The following RGL1 variants were observed in gnomAD, a reference collection of about 807,000 sequenced individuals.
RGL1 encodes the protein ral guanine nucleotide dissociation stimulator-like 1.
RGL1 carries 24 observed loss-of-function variants against 95.2 expected under a neutral mutation model. That is an observed-to-expected ratio of 0.25 (90% CI 0.18 to 0.35). The LOEUF (loss-of-function observed/expected upper bound fraction) is 0.35, where lower values mean the gene tolerates loss of function less well. Among genes scored for constraint, RGL1 ranks in the 10% least tolerant of loss-of-function variants. The probability of loss-of-function intolerance (pLI) is 1.00; values close to 1 mark genes in which losing one functional copy is unlikely to be tolerated. For synonymous variants in RGL1, 329 were observed against 344.9 expected (o/e 0.95, Z 0.51); for missense variants, 715 against 936.3 (o/e 0.76, Z 3.08).
At position 183,874,117 on chromosome 1, in the gene RGL1, G is replaced by A. The variant is rs183118795; in HGVS notation, c.426-6499G>A. Among the ~76,000 whole-genome samples the A allele has an allele frequency of 1.6e-4, 25 of 152,280 alleles. No individual in the cohort carries two copies. The East Asian group carries it at 2.1e-3, about 13-fold the overall frequency. ...ATAGCTAGAATTTATTGACTACTTA[G>A]TAGGAATGGTCCCTGTGTTAAGTAC... On this transcript the variant is annotated intron_variant, in intron 4 of 17. Transcript: ENST00000360851.
chr1:183,878,101 G>T (rs1216947162), intron 4 of RGL1, among the ~76,000 whole-genome samples: 1 of 152,110 alleles, frequency 6.6e-6, no homozygotes, highest in Non-Finnish European at 1.5e-5. Context: ...AGGTAATGAT[G>T]AAGTATCTGT....
At chr1:183,778,252 A>G (rs1659702492) in intron 2 of RGL1, among the ~76,000 whole-genome samples, 1 of 152,250 alleles carries the variant, frequency 6.6e-6, no homozygotes, top group African/African-American at 2.4e-5. Flanking sequence ...AGCATGATGC[A>G]GCATAGCTTA....
chr1:183,899,967 A>G (rs1443469275), intron 10 of RGL1, among the ~76,000 whole-genome samples, 183 bp from the exon 11 acceptor site: 1 of 152,242 alleles, frequency 6.6e-6, no homozygotes, highest in Admixed American at 6.5e-5. Context: ...CACAAGTTAG[A>G]TATTAGATCA....
chr1:183,794,339 T>G (rs1160525869), intron 2 of RGL1, among the ~76,000 whole-genome samples: 1 of 152,192 alleles, frequency 6.6e-6, no homozygotes, highest in Non-Finnish European at 1.5e-5. Context: ...AAGGTACAGT[T>G]GGAAGGATTA....
At chr1:183,808,761 CTTT>C (rs879323418) in intron 2 of RGL1, among the ~76,000 whole-genome samples, 4 of 143,094 alleles carry the variant, frequency 2.8e-5, no homozygotes, top group Non-Finnish European at 3.1e-5. Flanking sequence ...CTCTCTCTCT[CTTT>C]TTTTTTTTTT....
At chr1:183,917,449 T>C (rs1423302452) in intron 16 of RGL1, among the ~76,000 whole-genome samples, 1 of 152,218 alleles carries the variant, frequency 6.6e-6, no homozygotes, top group African/African-American at 2.4e-5. Flanking sequence ...GAAATCACTT[T>C]ATCCTTTGCA....
At chr1:183,648,468 A>G in intron 1 of RGL1, 2 of 1,614,252 alleles carry the variant, frequency 1.2e-6, no homozygotes, top group Non-Finnish European at 1.7e-6. Flanking sequence ...GGCTGAGTCA[A>G]GATAACCATT....
chr1:183,883,721 A>G, intron 5 of RGL1, 65 bp from the exon 6 acceptor site: 1 of 1,579,212 alleles, frequency 6.3e-7, no homozygotes, highest in Admixed American at 1.7e-5. Context: ...GTAAAGTCTG[A>G]TGACTCTATA....
At chr1:183,659,405 A>G (rs1448663278) in intron 1 of RGL1, among the ~76,000 whole-genome samples, 1 of 152,264 alleles carries the variant, frequency 6.6e-6, no homozygotes, top group Non-Finnish European at 1.5e-5. Flanking sequence ...AACTATGGGA[A>G]GAATGCAGAA....
At chr1:183,671,579 T>A (rs936257010) in intron 1 of RGL1, among the ~76,000 whole-genome samples, 1 of 152,094 alleles carries the variant, frequency 6.6e-6, no homozygotes, top group African/African-American at 2.4e-5. Flanking sequence ...AGAAAGGGAA[T>A]GAAGAGTGGA....
At position 183,928,143 on chromosome 1, in the gene RGL1, T is replaced by G. The variant is rs988753123; in HGVS notation, c.*1851T>G. 32 of 151,206 alleles carry G rather than the reference T, an allele frequency of 2.1e-4. No homozygotes were observed. The highest frequency in any genetic ancestry group is 5.9e-5 in the Non-Finnish European group (4 of 67,840). The allele number at this position is 151,206 out of a possible 1,614,324, so 9.4% of individuals were successfully genotyped here. On this transcript the variant is annotated 3_prime_UTR_variant, in exon 18 of 18. Coordinates refer to ENST00000360851, the MANE Select transcript of RGL1 (RefSeq NM_001297671.3). ...GGTTGAAGTATATGTAGCCTCAGCC[T>G]GATATTCTTGGTGCGAAGGTAAAAA...
chr1:183,722,506 A>G (rs186483509), intron 1 of RGL1, among the ~76,000 whole-genome samples: 1 of 152,202 alleles, frequency 6.6e-6, no homozygotes, highest in East Asian at 1.9e-4. Flanking sequence ...CAAGATACCT[A>G]CTAGGGAAAC....
At chr1:183,678,345 GT>G (rs934050835) in intron 1 of RGL1, among the ~76,000 whole-genome samples, 1 of 152,062 alleles carries the variant, frequency 6.6e-6, no homozygotes, top group East Asian at 1.9e-4. Context: ...TAATCAGTGA[GT>G]TTTTTATTGA....
intron 1 of RGL1, among the ~76,000 whole-genome samples, chr1:183,687,398 C>G (rs752886081): frequency 6.6e-6 from 1 of 152,182 alleles, no homozygotes; most frequent in Non-Finnish European, 1.5e-5. Flanking sequence ...AAAATTATTC[C>G]TTTGCTGGTT....
intron 1 of RGL1, among the ~76,000 whole-genome samples, chr1:183,730,465 A>G (rs1656567465): frequency 6.6e-6 from 1 of 152,124 alleles, no homozygotes; most frequent in Non-Finnish European, 1.5e-5. Context: ...AGGTTGGCTC[A>G]GTGGCTCAGA....
chr1:183,834,856 A>AT (rs924383306), intron 2 of RGL1, among the ~76,000 whole-genome samples: 23 of 150,754 alleles, frequency 1.5e-4, no homozygotes, highest in East Asian at 7.8e-4. Flanking sequence ...TAATTTTCTA[A>AT]TTTTTTTTTA....
At chr1:183,643,172 A>G (rs1203714862) in intron 1 of RGL1, among the ~76,000 whole-genome samples, 1 of 152,224 alleles carries the variant, frequency 6.6e-6, no homozygotes. Context: ...TCATCTGTCA[A>G]TGGACATTTG....
chr1:183,776,384 G>A (rs1262678975), intron 2 of RGL1, among the ~76,000 whole-genome samples: 3 of 151,690 alleles, frequency 2.0e-5, no homozygotes, highest in East Asian at 1.9e-4. Flanking sequence ...TCCTGACCTC[G>A]TGATCCGCCC....
chr1:183,908,626 C>G (rs1486682341), intron 14 of RGL1, among the ~76,000 whole-genome samples: 2 of 152,090 alleles, frequency 1.3e-5, no homozygotes, highest in African/African-American at 4.8e-5. Context: ...GGGGCCTGAC[C>G]AAGCCTTGTC....
Sources: gnomAD v4.1 joint callset for allele counts (sites outside exome capture counted in the v4.1 genomes callset) on GRCh38, gnomAD v4.1.1 for gene constraint, MANE v1.5 for transcripts, NCBI Gene and HGNC (gene_info 2026-07-23, HGNC 2026-07-21) for gene names.